CNTNAP3B: variants seen among roughly 807,000 people sequenced by gnomAD.
CNTNAP3B encodes the protein contactin associated protein family member 3B, also known as contactin-associated protein-like 3B.
CNTNAP3B carries 25 observed loss-of-function variants against 108.9 expected under a neutral mutation model. That is an observed-to-expected ratio of 0.23 (90% CI 0.17 to 0.32). The LOEUF is 0.32. Ranked by LOEUF, CNTNAP3B falls within the 10% of genes least tolerant of loss-of-function variation. The pLI, the probability that CNTNAP3B is intolerant of heterozygous loss-of-function variation, is 1.00. For synonymous variants in CNTNAP3B, 103 were observed against 473.4 expected, an observed-to-expected ratio of 0.22 and a Z score of 10.16; for missense variants, 252 against 1,210.4, an observed-to-expected ratio of 0.21 and a Z score of 11.75.
At position 42,115,458 on chromosome 9, in the gene CNTNAP3B, C is replaced by G; in HGVS notation, c.86-10719G>C. On this transcript the variant is annotated intron_variant, in intron 1 of 23. Transcript: ENST00000377561. ...CCTGCGTAGCCTAACTGGGAGACAA[C>G]TCCCAGTAGGGGCTGACTGACACCG... Among the ~76,000 whole-genome samples, 2 of 139,676 alleles carry G rather than the reference C, an allele frequency of 1.4e-5. 1 individual carries two copies. The highest frequency in any genetic ancestry group is 3.1e-5 in the Non-Finnish European group (2 of 65,012). 91.6% of individuals were successfully genotyped at this position (139,676 alleles called of 152,430 possible). A position where few individuals can be genotyped will look rare whatever the true frequency, so the allele number is the denominator to read the frequency against.
chr9:42,115,032 T>A (rs1828281704), intron 1 of CNTNAP3B, among the ~76,000 whole-genome samples: 1 of 135,084 alleles, frequency 7.4e-6, no homozygotes, highest in Admixed American at 7.4e-5. Context: ...CCAGCCTAGG[T>A]GACAGAGCAA....
At chr9:42,058,421 G>GT (rs548476399) in intron 3 of CNTNAP3B, among the ~76,000 whole-genome samples, 1,955 of 142,346 alleles carry the variant, frequency 0.014, no homozygotes, top group Middle Eastern at 0.022. Context: ...CAAGTACGAG[G>GT]TGATATCTCA....
chr9:41,931,448 A>G (rs1209923629), intron 14 of CNTNAP3B, among the ~76,000 whole-genome samples: 1 of 152,286 alleles, frequency 6.6e-6, no homozygotes, highest in Non-Finnish European at 1.5e-5. Context: ...CCATTAATCA[A>G]CTTCTTTTAT....
chr9:41,944,858 G>C (rs1292811849), intron 13 of CNTNAP3B, among the ~76,000 whole-genome samples: 1 of 152,288 alleles, frequency 6.6e-6, no homozygotes, highest in Non-Finnish European at 1.5e-5. Context: ...GAAAATTTTT[G>C]CAATCTACCC....
intron 1 of CNTNAP3B, among the ~76,000 whole-genome samples, chr9:42,128,517 C>A (rs531704843): frequency 1.4e-5 from 2 of 138,168 alleles, no homozygotes; most frequent in African/African-American, 5.8e-5. Context: ...CGCCTACAGG[C>A]ACTCTGTCCC....
intron 3 of CNTNAP3B, among the ~76,000 whole-genome samples, chr9:42,062,968 A>T (rs1213477271): frequency 1.0e-5 from 1 of 98,564 alleles, no homozygotes; most frequent in Non-Finnish European, 2.2e-5. Context: ...TGCTTTTTAT[A>T]TTGTGTAACC....
intron 12 of CNTNAP3B, among the ~76,000 whole-genome samples, chr9:41,960,561 C>T (rs1201111009): frequency 7.9e-5 from 12 of 152,256 alleles, no homozygotes; most frequent in African/African-American, 2.9e-4. Context: ...TAGAGAGATG[C>T]CTTGGCAGAG....
chr9:42,018,805 G>A (rs1826257397), intron 3 of CNTNAP3B, among the ~76,000 whole-genome samples: 1 of 151,888 alleles, frequency 6.6e-6, no homozygotes, highest in African/African-American at 2.4e-5. Flanking sequence ...GTGACTATGG[G>A]CAAGATACTC....
At chr9:41,969,846 G>T (rs1369198562) in intron 10 of CNTNAP3B, among the ~76,000 whole-genome samples, 2 of 135,720 alleles carry the variant, frequency 1.5e-5, no homozygotes, top group South Asian at 4.8e-4. Flanking sequence ...GGATGAAGTT[G>T]ATCTCCTGAT....
chr9:41,924,657 AC>A (rs1823761288), intron 15 of CNTNAP3B, among the ~76,000 whole-genome samples: 1 of 66,878 alleles, frequency 1.5e-5, no homozygotes, highest in East Asian at 6.4e-4. Flanking sequence ...ACACACACAC[AC>A]ACACACACAC....
At chr9:41,935,655 G>T (rs1224415342) in intron 14 of CNTNAP3B, among the ~76,000 whole-genome samples, 2 of 152,220 alleles carry the variant, frequency 1.3e-5, no homozygotes, top group Admixed American at 6.5e-5. Context: ...ATCTACAAGA[G>T]TTGGGTTAGG....
intron 2 of CNTNAP3B, among the ~76,000 whole-genome samples, chr9:42,095,545 A>T (rs1469747185): frequency 7.2e-6 from 1 of 138,852 alleles, no homozygotes; most frequent in Non-Finnish European, 1.5e-5. Context: ...CCCTGACAAA[A>T]GCCACTTGAG....
At chr9:42,059,568 TA>T (rs1230380536) in intron 3 of CNTNAP3B, among the ~76,000 whole-genome samples, 3 of 13,506 alleles carry the variant, frequency 2.2e-4, no homozygotes, top group Admixed American at 1.0e-3. Context: ...TGTTGTACTG[TA>T]ACTTTATTGA....
At chr9:41,954,648 T>C (rs1406322335) in intron 12 of CNTNAP3B, among the ~76,000 whole-genome samples, 1 of 152,288 alleles carries the variant, frequency 6.6e-6, no homozygotes, top group Non-Finnish European at 1.5e-5. Context: ...GTTCTTCCTT[T>C]AATATTGCTC....
intron 2 of CNTNAP3B, among the ~76,000 whole-genome samples, chr9:42,084,389 C>T (rs1323814410): frequency 1.0e-5 from 1 of 100,406 alleles, no homozygotes; most frequent in African/African-American, 3.7e-5. Flanking sequence ...TGATGGCACG[C>T]CTCTCATTGT....
In CNTNAP3B at chr9:42,121,159, C is replaced by T. The variant is rs1165676931; in HGVS notation, c.85+7851G>A. On this transcript the variant is annotated intron_variant, in intron 1 of 23. Coordinates refer to ENST00000377561, the MANE Select transcript of CNTNAP3B (RefSeq NM_001201380.3). ...AGGACTCAGGATAAATGCATTCCCC[C>T]TGCTGTCTCTCAGAGGCACAGCTGT... 5.1e-4 allele frequency among the ~76,000 whole-genome samples: 71 copies of T among 137,978 alleles called. 12 individuals carry two copies. Among genetic ancestry groups the T allele is most frequent in the Middle Eastern group, 3.5e-3 (1 of 286 alleles). The allele number at this position is 137,978 out of a possible 152,430, so 90.5% of individuals were successfully genotyped here.
chr9:42,035,692 C>G (rs1352598217), intron 3 of CNTNAP3B, among the ~76,000 whole-genome samples: 2 of 151,096 alleles, frequency 1.3e-5, no homozygotes, highest in African/African-American at 4.9e-5. Context: ...GGGTTTCATT[C>G]TATCACCCAG....
At chr9:42,017,309 A>G (rs1413315746) in intron 3 of CNTNAP3B, among the ~76,000 whole-genome samples, 1 of 132,374 alleles carries the variant, frequency 7.6e-6, no homozygotes, top group Non-Finnish European at 1.6e-5. Context: ...GTTGTGGTTG[A>G]GTATGAAATA....
chr9:42,110,929 A>G (rs1399551987), intron 1 of CNTNAP3B, among the ~76,000 whole-genome samples: 1 of 140,242 alleles, frequency 7.1e-6, no homozygotes, highest in Non-Finnish European at 1.5e-5. Context: ...CTCACAGTGA[A>G]CATAAGCAGT....
Sources: allele counts gnomAD v4.1 joint callset (sites outside exome capture counted in the v4.1 genomes callset), GRCh38; gene constraint gnomAD v4.1.1; transcripts MANE v1.5; gene names NCBI Gene and HGNC (gene_info 2026-07-23, HGNC 2026-07-21).